Variants in TUSC3 observed in about 807,000 individuals in gnomAD.
The protein encoded by TUSC3 is tumor suppressor candidate 3, also known as dolichyl-diphosphooligosaccharide--protein glycosyltransferase subunit TUSC3.
In TUSC3, 45 loss-of-function variants were observed where a neutral mutation model predicts 44.8. The observed-to-expected ratio is 1.00, with a 90% CI of 0.79 to 1.29. The LOEUF is 1.29. Among genes scored for constraint, TUSC3 ranks in the 50% most tolerant of loss-of-function variants. The pLI is 0.00. For missense variants in TUSC3, 519 were observed against 437.9 expected (o/e 1.19, Z -1.65); for synonymous variants, 212 against 152.9 (o/e 1.39, Z -2.85).
intron 2 of TUSC3, among the ~76,000 whole-genome samples, chr8:15,508,864 C>G (rs1460240678): frequency 6.6e-6 from 1 of 152,190 alleles, no homozygotes; most frequent in African/African-American, 2.4e-5. Flanking sequence ...CTGTCAACAG[C>G]TTGTAATATA....
At chr8:15,417,686 T>G (rs1311304662) in intron 1 of TUSC3, among the ~76,000 whole-genome samples, 1 of 152,234 alleles carries the variant, frequency 6.6e-6, no homozygotes, top group South Asian at 2.1e-4. Flanking sequence ...TGCTGAGCAC[T>G]CATCACTGGC....
At chr8:15,685,233 T>C (rs1808581055) in intron 6 of TUSC3, among the ~76,000 whole-genome samples, 1 of 152,098 alleles carries the variant, frequency 6.6e-6, no homozygotes, top group Admixed American at 6.6e-5. Context: ...CCCAGAGGTA[T>C]GTGGTGGGAG....
intron 8 of TUSC3, among the ~76,000 whole-genome samples, chr8:15,744,172 C>T (rs572661710): frequency 6.6e-6 from 1 of 152,138 alleles, no homozygotes; most frequent in Non-Finnish European, 1.5e-5. Context: ...AGATTTACAA[C>T]TCCCTCAAGT....
At chr8:15,811,790 G>C in the TUSC3 span, among the ~76,000 whole-genome samples, 1 of 152,042 alleles carries the variant, frequency 6.6e-6, no homozygotes, top group Non-Finnish European at 1.5e-5. Flanking sequence ...GAACCATCTG[G>C]GGCTTAATTA....
rs1472639919 is a variant in TUSC3, at chr8:15,546,492, A to G, written c.138+5924A>G. On this transcript the variant is annotated intron_variant, in intron 1 of 10. Transcript: ENST00000503731. ...AGATAAGTAAGACATATATAAATAG[A>G]TTGAATATTAAGGCTTCAAAGATGT... 2.0e-5 allele frequency among the ~76,000 whole-genome samples: 3 copies of G among 151,828 alleles called. No individual in the cohort carries two copies. In the East Asian group the frequency reaches 5.8e-4, roughly 30 times the overall value.
rs374062484 is a variant in TUSC3, at chr8:15,440,102, T to C, written n.91+22797T>C. 6.5e-4 allele frequency among the ~76,000 whole-genome samples: 99 copies of C among 152,274 alleles called. 3 individuals are homozygous for C. In the South Asian group the frequency reaches 0.018, roughly 28 times the overall value. ...CATGTGTAACTACAAGCTGAGATAA[T>C]TGCCCTGAAAGAAGGAACATTTCTA... On this transcript the variant is annotated intron_variant and non_coding_transcript_variant, in intron 1 of 5. Transcript: ENST00000503191.
chr8:15,482,574 G>C (rs934829316), intron 1 of TUSC3, among the ~76,000 whole-genome samples: 2 of 152,160 alleles, frequency 1.3e-5, no homozygotes, highest in South Asian at 2.1e-4. Context: ...TAAAAGCTCT[G>C]ATGAAGATGT....
At chr8:15,612,174 A>G (rs1306357548) in intron 1 of TUSC3, among the ~76,000 whole-genome samples, 1 of 152,128 alleles carries the variant, frequency 6.6e-6, no homozygotes, top group Non-Finnish European at 1.5e-5. Flanking sequence ...TTTGATGAGT[A>G]CCTGCTATTC....
At chr8:15,686,264 C>T (rs992605730) in intron 6 of TUSC3, among the ~76,000 whole-genome samples, 24 of 151,924 alleles carry the variant, frequency 1.6e-4, no homozygotes, top group Admixed American at 1.4e-3. Context: ...TGAAATAAAG[C>T]TTATGCGTAG....
intron 5 of TUSC3, among the ~76,000 whole-genome samples, chr8:15,667,185 G>A (rs1807700064): frequency 6.6e-6 from 1 of 151,450 alleles, no homozygotes; most frequent in Non-Finnish European, 1.5e-5. Context: ...TATCCTCAAT[G>A]CATAATTTCC....
chr8:15,417,332 A>G (rs1263680934), intron 1 of TUSC3: 1 of 152,302 alleles, frequency 6.6e-6, no homozygotes, highest in Non-Finnish European at 1.5e-5. Context: ...TCTTTTCTTT[A>G]TAAATTACAC....
the TUSC3 span, among the ~76,000 whole-genome samples, chr8:15,826,533 A>C: frequency 2.0e-5 from 3 of 152,190 alleles, no homozygotes; most frequent in African/African-American, 7.2e-5. Context: ...GTTTTGCTGC[A>C]CTCAAGAGTA....
chr8:15,473,103 T>C (rs967766760), intron 1 of TUSC3, among the ~76,000 whole-genome samples: 2 of 152,176 alleles, frequency 1.3e-5, no homozygotes, highest in Non-Finnish European at 1.5e-5. Context: ...TCATTCTTTT[T>C]AGTTTCCCCA....
At chr8:15,562,388 C>G (rs140877236) in intron 1 of TUSC3, among the ~76,000 whole-genome samples, 1 of 152,258 alleles carries the variant, frequency 6.6e-6, no homozygotes, top group African/African-American at 2.4e-5. Flanking sequence ...GAGTAATCCA[C>G]TTTAAGCGTT....
chr8:15,792,708 T>A, the TUSC3 span, among the ~76,000 whole-genome samples: 3 of 152,070 alleles, frequency 2.0e-5, no homozygotes, highest in Admixed American at 2.0e-4. Flanking sequence ...CTCTGCCTCC[T>A]GGGTTCAAGT....
chr8:15,523,707 T>TATATATAC (rs1190194652), intron 2 of TUSC3, among the ~76,000 whole-genome samples: 1 of 132,366 alleles, frequency 7.6e-6, no homozygotes, highest in Non-Finnish European at 1.6e-5. Context: ...TGTGTGTGTG[T>TATATATAC]GTATATATAT....
At chr8:15,621,066 C>T (rs1284050736) in intron 1 of TUSC3, among the ~76,000 whole-genome samples, 1 of 151,988 alleles carries the variant, frequency 6.6e-6, no homozygotes, top group African/African-American at 2.4e-5. Flanking sequence ...ACGTAAGTAA[C>T]TTTCTTAGAC....
chr8:15,495,668 C>G (rs1364378344), intron 2 of TUSC3, among the ~76,000 whole-genome samples: 1 of 152,118 alleles, frequency 6.6e-6, no homozygotes, highest in Non-Finnish European at 1.5e-5. Flanking sequence ...TGGGAGCCTC[C>G]ACCAAGTATA....
chr8:15,805,142 T>C, the TUSC3 span, among the ~76,000 whole-genome samples: 55 of 152,294 alleles, frequency 3.6e-4, no homozygotes, highest in East Asian at 6.7e-3. Flanking sequence ...TGAACGTTAT[T>C]GGTGTATGGA....
Sources: gnomAD v4.1 joint callset for allele counts (sites outside exome capture counted in the v4.1 genomes callset) on GRCh38, gnomAD v4.1.1 for gene constraint, MANE v1.5 for transcripts, NCBI Gene and HGNC (gene_info 2026-07-23, HGNC 2026-07-21) for gene names.